RRAS2: variants seen among roughly 807,000 people sequenced by gnomAD.
The protein encoded by RRAS2 is ras-related protein R-Ras2.
A neutral mutation model predicts 27.6 loss-of-function variants in RRAS2; 7 were observed. That is an observed-to-expected ratio of 0.25 (90% CI 0.14 to 0.48). The LOEUF (loss-of-function observed/expected upper bound fraction) is 0.48. Ranked by LOEUF, RRAS2 falls within the 20% of genes least tolerant of loss-of-function variation. RRAS2 has a pLI of 0.99. For synonymous variants in RRAS2, 86 were observed against 90.9 expected (o/e 0.95, Z 0.31); for missense variants, 178 against 256.2 (o/e 0.69, Z 2.08).
chr11:14,306,266 G>C (rs1285109247), intron 1 of RRAS2, among the ~76,000 whole-genome samples: 3 of 125,638 alleles, frequency 2.4e-5, no homozygotes, highest in Non-Finnish European at 5.3e-5. Context: ...GAATGTAAGA[G>C]TACTATATTC....
intron 1 of RRAS2, among the ~76,000 whole-genome samples, chr11:14,305,009 A>G (rs191912221): frequency 1.0e-3 from 158 of 152,350 alleles, no homozygotes; most frequent in African/African-American, 3.5e-3. Flanking sequence ...TTTAATCCCC[A>G]GAACTCTAAT....
At position 14,306,164 on chromosome 11, in the gene RRAS2, A is replaced by G. The variant is rs1847824561; in HGVS notation, c.109-10309T>C. 2.0e-5 allele frequency among the ~76,000 whole-genome samples: 3 copies of G among 151,846 alleles called. No individual in the cohort carries two copies. The South Asian group carries it at 6.2e-4, about 32-fold the overall frequency. ...GCATTTCCCTAGTGGGATGTTGAGTACCTTTTTGTGTGCTTATTGGCCATT... is the reference window on the plus strand; with the variant it reads ...GCATTTCCCTAGTGGGATGTTGAGTGCCTTTTTGTGTGCTTATTGGCCATT... On this transcript the variant is annotated intron_variant, in intron 1 of 5. Coordinates refer to ENST00000256196, the MANE Select transcript of RRAS2 (RefSeq NM_012250.6).
chr11:14,326,726 T>C (rs1848365105), intron 1 of RRAS2, among the ~76,000 whole-genome samples: 1 of 152,218 alleles, frequency 6.6e-6, no homozygotes, highest in Admixed American at 6.5e-5. Flanking sequence ...CTTAAATCAC[T>C]TATAACATCA....
At chr11:14,334,252 A>G (rs576403937) in intron 1 of RRAS2, among the ~76,000 whole-genome samples, 62 of 152,150 alleles carry the variant, frequency 4.1e-4, no homozygotes, top group Non-Finnish European at 7.6e-4. Flanking sequence ...TGTCAATTTG[A>G]TAATTTAAAA....
At chr11:14,294,739 A>G in intron 3 of RRAS2, 21 bp downstream of exon 3, 2 of 1,600,396 alleles carry the variant, frequency 1.2e-6, no homozygotes, top group Non-Finnish European at 1.7e-6. Context: ...CAGTGGATCT[A>G]CATTCTAATA....
chr11:14,347,514 T>C (rs1283465999), intron 1 of RRAS2, among the ~76,000 whole-genome samples: 4 of 152,330 alleles, frequency 2.6e-5, no homozygotes, highest in Admixed American at 2.0e-4. Context: ...TAATTATGTA[T>C]GTTTAAAAAT....
chr11:14,285,140 T>C (rs533069779), intron 4 of RRAS2, among the ~76,000 whole-genome samples: 2 of 152,352 alleles, frequency 1.3e-5, no homozygotes, highest in East Asian at 3.9e-4. Flanking sequence ...CCTTTGTTGG[T>C]TAATTAACTA....
At chr11:14,349,209 G>A (rs369496091) in intron 1 of RRAS2, among the ~76,000 whole-genome samples, 14 of 149,924 alleles carry the variant, frequency 9.3e-5, no homozygotes, top group African/African-American at 3.4e-4. Flanking sequence ...CTGGACTGCA[G>A]TGGCGCGACT....
At position 14,279,314 on chromosome 11, in the gene RRAS2, T is replaced by G. The variant is rs781824779; in HGVS notation, c.*23A>C. 6.5e-6 allele frequency: 10 copies of G among 1,526,774 alleles called. No homozygotes were observed. The highest frequency in any genetic ancestry group is 3.6e-6 in the Non-Finnish European group (4 of 1,101,238). The allele number at this position is 1,526,774 out of a possible 1,614,324, so 94.6% of individuals were successfully genotyped here. On this transcript the variant is annotated 3_prime_UTR_variant, in exon 6 of 6. Coordinates refer to ENST00000256196, the MANE Select transcript of RRAS2 (RefSeq NM_012250.6). ...GAAGATGAGGGCTTTTCCTGGCCGTTGGTAGCTAAAACTGAAGGGATTCTA... is the reference window on the plus strand; with the variant it reads ...GAAGATGAGGGCTTTTCCTGGCCGTGGGTAGCTAAAACTGAAGGGATTCTA...
At chr11:14,280,968 C>T (rs1391393395) in intron 5 of RRAS2, among the ~76,000 whole-genome samples, 1 of 152,156 alleles carries the variant, frequency 6.6e-6, no homozygotes, top group East Asian at 1.9e-4. Context: ...AACCCGTTAA[C>T]ACTTTTTAAA....
At chr11:14,298,099 C>G (rs1023926687) in intron 1 of RRAS2, among the ~76,000 whole-genome samples, 9 of 152,062 alleles carry the variant, frequency 5.9e-5, no homozygotes, top group Non-Finnish European at 1.3e-4. Context: ...TCTCTACACC[C>G]ACTATTTTAA....
chr11:14,301,856 G>A (rs1191026673), intron 1 of RRAS2, among the ~76,000 whole-genome samples: 2 of 152,060 alleles, frequency 1.3e-5, no homozygotes, highest in African/African-American at 4.8e-5. Context: ...GCGGGCACCT[G>A]TAGTCCCAGC....
intron 1 of RRAS2, among the ~76,000 whole-genome samples, chr11:14,326,695 G>A (rs1554951040): frequency 2.0e-5 from 3 of 152,142 alleles, no homozygotes; most frequent in African/African-American, 7.2e-5. Flanking sequence ...CAATCAAGCA[G>A]TTAAAACTCC....
chr11:14,358,390 C>T lies in RRAS2; in HGVS notation c.108+373G>A. 3.0e-6 allele frequency: 3 copies of T among 985,560 alleles called. No homozygotes were observed. The highest frequency in any genetic ancestry group is 3.6e-6 in the Non-Finnish European group (3 of 830,078). The allele number at this position is 985,560 out of a possible 1,614,324, so 61.1% of individuals were successfully genotyped here. On this transcript the variant is annotated intron_variant, in intron 1 of 5. Transcript: ENST00000256196. The surrounding 1 kb of genome is among the most constrained non-coding windows in gnomAD (Gnocchi z 5.1). ...GCGGCTGGAAAAGCAGCGCGCGGGGCTCCAGCTCCAGCCCCACGCCCGGAC... is the reference window on the plus strand; with the variant it reads ...GCGGCTGGAAAAGCAGCGCGCGGGGTTCCAGCTCCAGCCCCACGCCCGGAC...
At chr11:14,316,881 T>C (rs1451213151) in intron 1 of RRAS2, among the ~76,000 whole-genome samples, 1 of 152,184 alleles carries the variant, frequency 6.6e-6, no homozygotes, top group Non-Finnish European at 1.5e-5. Context: ...CAAAAATAAA[T>C]GACTATCAGT....
At chr11:14,302,607 G>C (rs1847744348) in intron 1 of RRAS2, among the ~76,000 whole-genome samples, 1 of 152,198 alleles carries the variant, frequency 6.6e-6, no homozygotes. Flanking sequence ...TAAGAGAAAA[G>C]GAAAAGCTTC....
At position 14,278,238 on chromosome 11, in the gene RRAS2, T is replaced by C. The variant is rs1394113671; in HGVS notation, c.*1099A>G. The C allele has an allele frequency of 6.6e-6, 1 of 152,230 alleles. No individual in the cohort carries two copies. The highest frequency in any genetic ancestry group is 1.5e-5 in the Non-Finnish European group (1 of 68,038). The allele number at this position is 152,230 out of a possible 1,614,324, so 9.4% of individuals were successfully genotyped here. A position where few individuals can be genotyped will look rare whatever the true frequency, so the allele number is the denominator to read the frequency against. ...TCCTGTTGTACTCTATTGGGAAGGT[T>C]TCTTGAGTAGTTATGTGACTGGCCA... On this transcript the variant is annotated 3_prime_UTR_variant, in exon 6 of 6. Coordinates refer to ENST00000256196, the MANE Select transcript of RRAS2 (RefSeq NM_012250.6).
At chr11:14,289,671 T>A (rs782074784) in intron 4 of RRAS2, among the ~76,000 whole-genome samples, 1 of 152,174 alleles carries the variant, frequency 6.6e-6, no homozygotes, top group Non-Finnish European at 1.5e-5. Flanking sequence ...TGCTGCATCA[T>A]CACTGCCTAG....
intron 4 of RRAS2, among the ~76,000 whole-genome samples, chr11:14,293,934 A>C (rs1161529042): frequency 6.6e-6 from 1 of 152,234 alleles, no homozygotes; most frequent in African/African-American, 2.4e-5. Flanking sequence ...TTAGCCTGCA[A>C]ACTAAATACT....
Sources: allele counts gnomAD v4.1 joint callset (sites outside exome capture counted in the v4.1 genomes callset), GRCh38; gene constraint gnomAD v4.1.1; non-coding constraint Gnocchi (gnomAD v3.1); transcripts MANE v1.5; gene names NCBI Gene and HGNC (gene_info 2026-07-23, HGNC 2026-07-21).